The following RBFOX1 variants were observed in gnomAD, a reference collection of about 807,000 sequenced individuals.
The protein encoded by RBFOX1 is RNA binding protein fox-1 homolog 1.
RBFOX1 carries 8 observed loss-of-function variants against 57.7 expected under a neutral mutation model. The observed-to-expected ratio is 0.14, with a 90% CI of 0.08 to 0.25. The LOEUF is 0.25. Ranked by LOEUF, RBFOX1 falls within the 10% of genes least tolerant of loss-of-function variation. RBFOX1 has a pLI of 1.00. For missense variants in RBFOX1, 611 were observed against 548.5 expected (o/e 1.11, Z -1.14); for synonymous variants, 326 against 222.4 (o/e 1.47, Z -4.15).
In RBFOX1 at chr16:7,162,601, C is replaced by T. The variant is rs188523582; in HGVS notation, c.27+110503C>T. Among the ~76,000 whole-genome samples the T allele has an allele frequency of 2.8e-3, 426 of 150,172 alleles. 1 individual carries two copies. Among genetic ancestry groups the T allele is most frequent in the Non-Finnish European group, 4.4e-3 (298 of 67,710 alleles). On this transcript the variant is annotated intron_variant, in intron 4 of 15. Coordinates refer to ENST00000550418, the MANE Select transcript of RBFOX1 (RefSeq NM_018723.4). ...AAAAAAAAAAACATTGCCAGGTACG[C>T]GCCTGTAATCCCAGCTACTGGGGAG...
chr16:7,409,447 C>G (rs1412387390), intron 4 of RBFOX1, among the ~76,000 whole-genome samples: 1 of 152,140 alleles, frequency 6.6e-6, no homozygotes, highest in African/African-American at 2.4e-5. Context: ...TTTCCCCGTC[C>G]CCATTGTCAC....
chr16:7,250,911 C>T (rs1012454364), intron 4 of RBFOX1, among the ~76,000 whole-genome samples: 20 of 152,250 alleles, frequency 1.3e-4, no homozygotes, highest in African/African-American at 2.4e-4. Flanking sequence ...AGATGGTATA[C>T]ATTTATCATG....
At chr16:7,127,787 G>C (rs2068994009) in intron 4 of RBFOX1, among the ~76,000 whole-genome samples, 1 of 152,174 alleles carries the variant, frequency 6.6e-6, no homozygotes, top group Non-Finnish European at 1.5e-5. Context: ...CTGAAGCCTT[G>C]GCACATCTTG....
intron 4 of RBFOX1, among the ~76,000 whole-genome samples, chr16:5,992,959 G>A (rs137963371): frequency 2.6e-5 from 4 of 152,110 alleles, no homozygotes; most frequent in Admixed American, 2.6e-4. Context: ...AAAAAGATTT[G>A]CATGACAGTG....
chr16:5,936,160 G>T (rs1167819273), intron 4 of RBFOX1, among the ~76,000 whole-genome samples: 3 of 152,152 alleles, frequency 2.0e-5, no homozygotes. Context: ...GTTTCACTCT[G>T]TCACCCAGGC....
At chr16:7,478,534 T>G (rs931595785) in intron 4 of RBFOX1, among the ~76,000 whole-genome samples, 5 of 152,134 alleles carry the variant, frequency 3.3e-5, no homozygotes, top group Non-Finnish European at 7.4e-5. Flanking sequence ...TGTCTGAAGT[T>G]CCTTCTAACC....
chr16:7,530,766 C>A (rs1432611441), intron 5 of RBFOX1, among the ~76,000 whole-genome samples: 1 of 152,182 alleles, frequency 6.6e-6, no homozygotes, highest in Non-Finnish European at 1.5e-5. Flanking sequence ...TGCAGGAGTT[C>A]AGAAGCTGGC....
At chr16:6,990,714 C>T (rs1231918437) in intron 3 of RBFOX1, among the ~76,000 whole-genome samples, 1 of 152,054 alleles carries the variant, frequency 6.6e-6, no homozygotes, top group Non-Finnish European at 1.5e-5. Context: ...TGAATGTGAG[C>T]TTGGACAAGT....
intron 1 of RBFOX1, among the ~76,000 whole-genome samples, chr16:6,105,490 G>A: frequency 6.6e-6 from 1 of 152,088 alleles, no homozygotes; most frequent in East Asian, 1.9e-4. Flanking sequence ...TGGCATTCTA[G>A]AAAGAGGCAT....
chr16:5,906,572 C>T (rs1036551754), intron 4 of RBFOX1, among the ~76,000 whole-genome samples: 1 of 151,954 alleles, frequency 6.6e-6, no homozygotes, highest in African/African-American at 2.4e-5. Flanking sequence ...TTATGGCAGC[C>T]CTCCAAACGA....
chr16:5,504,276 T>A (rs1348090961), intron 2 of RBFOX1, among the ~76,000 whole-genome samples: 1 of 152,196 alleles, frequency 6.6e-6, no homozygotes, highest in Non-Finnish European at 1.5e-5. Context: ...GCAGGCCGCC[T>A]CCCAGGACCC....
chr16:5,739,251 C>G (rs902720212), intron 3 of RBFOX1, among the ~76,000 whole-genome samples: 1 of 152,182 alleles, frequency 6.6e-6, no homozygotes, highest in East Asian at 1.9e-4. Flanking sequence ...ACTTGGCGTC[C>G]AATATGGATA....
In RBFOX1 at chr16:6,442,429, C is replaced by T. The variant is rs576080739; in HGVS notation, c.-64+125372C>T. Among the ~76,000 whole-genome samples the T allele has an allele frequency of 2.3e-4, 35 of 152,006 alleles. No homozygotes were observed. In the South Asian group the frequency reaches 2.5e-3, roughly 11 times the overall value. On this transcript the variant is annotated intron_variant, in intron 2 of 15. Transcript: ENST00000550418. ...AAAATTAGCTGGGCATGGTGGCACGCGCCTGTAATCCCAGCTACTCAGGAG... is the reference window on the plus strand; with the variant it reads ...AAAATTAGCTGGGCATGGTGGCACGTGCCTGTAATCCCAGCTACTCAGGAG...
intron 2 of RBFOX1, among the ~76,000 whole-genome samples, chr16:6,593,121 G>T (rs1054285642): frequency 6.6e-6 from 1 of 152,210 alleles, no homozygotes; most frequent in Non-Finnish European, 1.5e-5. Flanking sequence ...GAGCCTGGAA[G>T]ACAGAGGTTG....
intron 2 of RBFOX1, among the ~76,000 whole-genome samples, chr16:5,588,660 T>C (rs905069785): frequency 1.3e-5 from 2 of 152,106 alleles, no homozygotes; most frequent in African/African-American, 2.4e-5. Context: ...TTTGCAGACT[T>C]AGAGGGCTGG....
chr16:7,273,285 A>C (rs768584013), intron 4 of RBFOX1, among the ~76,000 whole-genome samples: 1 of 123,342 alleles, frequency 8.1e-6, no homozygotes, highest in South Asian at 2.5e-4. Context: ...TTTCTCATCT[A>C]TGAGCCAGAA....
intron 4 of RBFOX1, among the ~76,000 whole-genome samples, chr16:7,420,265 T>G (rs2098527752): frequency 6.6e-6 from 1 of 152,130 alleles, no homozygotes; most frequent in African/African-American, 2.4e-5. Context: ...CTCGTCCTAT[T>G]AGATTTTAAG....
At chr16:5,299,982 G>C (rs542356728) in intron 1 of RBFOX1, among the ~76,000 whole-genome samples, 3 of 151,414 alleles carry the variant, frequency 2.0e-5, no homozygotes, top group African/African-American at 7.3e-5. Flanking sequence ...AGTTTCCTGA[G>C]GGTTTTTTAT....
chr16:6,658,107 A>G (rs1293087197), intron 3 of RBFOX1, among the ~76,000 whole-genome samples: 1 of 152,108 alleles, frequency 6.6e-6, no homozygotes, highest in Non-Finnish European at 1.5e-5. Context: ...GGCCTCTCCA[A>G]ATTGTGCCTC....
Sources: allele counts gnomAD v4.1 joint callset (sites outside exome capture counted in the v4.1 genomes callset), GRCh38; gene constraint gnomAD v4.1.1; transcripts MANE v1.5; gene names NCBI Gene and HGNC (gene_info 2026-07-23, HGNC 2026-07-21).